Variants in ST6GALNAC2 observed in about 807,000 individuals in gnomAD.
ST6GALNAC2 encodes the protein ST6 N-acetylgalactosaminide alpha-2,6-sialyltransferase 2.
In ST6GALNAC2, 42 loss-of-function variants were observed where a neutral mutation model predicts 38.7. That is an observed-to-expected ratio of 1.09 (90% CI 0.85 to 1.40). The LOEUF is 1.40. ST6GALNAC2 is among the 40% of genes most tolerant of loss of function. ST6GALNAC2 has a pLI of 0.00. For synonymous variants in ST6GALNAC2, 233 were observed against 209.0 expected, an observed-to-expected ratio of 1.11 and a Z score of -0.99; for missense variants, 506 against 481.7, an observed-to-expected ratio of 1.05 and a Z score of -0.47.
Position 76,573,037 on chromosome 17 carries a change from G to A in ST6GALNAC2, c.530+158C>T, listed in dbSNP as rs532125611. 4.0e-4 allele frequency among the ~76,000 whole-genome samples: 61 copies of A among 152,236 alleles called. No homozygotes were observed. The highest frequency in any genetic ancestry group is 1.4e-3 in the African/African-American group (59 of 41,538). ...TGGGCACCCATGCTCCGTCCTCAGG[G>A]CCTACTGTTTGTTTTTGCCTTGTCC... On this transcript the variant is annotated intron_variant, in intron 4 of 8. Coordinates refer to ENST00000225276, the MANE Select transcript of ST6GALNAC2 (RefSeq NM_006456.3). The surrounding 1 kb of genome is among the most constrained non-coding windows in gnomAD (Gnocchi z 5.1).
chr17:76,567,734 AG>A (rs572701845), intron 7 of ST6GALNAC2, 182 bp from the exon 8 acceptor site: 182 of 448,620 alleles, frequency 4.1e-4, no homozygotes, highest in African/African-American at 2.3e-3. Flanking sequence ...AGGTTGGGGG[AG>A]GGGGTGGTGA....
At chr17:76,572,005 G>A (rs1311619890) in intron 5 of ST6GALNAC2, among the ~76,000 whole-genome samples, 2 of 152,106 alleles carry the variant, frequency 1.3e-5, no homozygotes, top group Non-Finnish European at 1.5e-5. Flanking sequence ...TCTTCCAGGG[G>A]CCAGTGTGGG....
chr17:76,567,636 A>G (rs972086544), intron 7 of ST6GALNAC2, 84 bp from the exon 8 acceptor site: 14 of 883,778 alleles, frequency 1.6e-5, no homozygotes, highest in Non-Finnish European at 2.4e-5. Flanking sequence ...TAGGTGGGAA[A>G]ACTTCAAAAA....
chr17:76,581,716 C>T (rs1384757985), intron 1 of ST6GALNAC2, among the ~76,000 whole-genome samples: 2 of 152,158 alleles, frequency 1.3e-5, no homozygotes, highest in East Asian at 3.8e-4. Context: ...AATCCAAGTG[C>T]CTGGGACACC....
At chr17:76,583,494 C>T (rs2075504509) in intron 1 of ST6GALNAC2, among the ~76,000 whole-genome samples, 1 of 151,660 alleles carries the variant, frequency 6.6e-6, no homozygotes, top group Non-Finnish European at 1.5e-5. Flanking sequence ...GCCTGGGTGA[C>T]AGAGTGAGAC....
intron 3 of ST6GALNAC2, 100 bp downstream of exon 3, chr17:76,574,265 C>CA (rs1257989749): frequency 4.4e-6 from 6 of 1,367,312 alleles, no homozygotes; most frequent in Non-Finnish European, 5.0e-6. Context: ...GGAGACCTGG[C>CA]ATCACCAGTG....
At chr17:76,567,365 T>G in intron 8 of ST6GALNAC2, 88 bp downstream of exon 8, 1 of 948,578 alleles carries the variant, frequency 1.1e-6, no homozygotes, top group Non-Finnish European at 1.7e-6. Flanking sequence ...GAGTCCCAGC[T>G]CCGAGGTAAG....
intron 2 of ST6GALNAC2, among the ~76,000 whole-genome samples, chr17:76,576,069 AC>A (rs1238298217): frequency 1.3e-5 from 2 of 151,804 alleles, no homozygotes; most frequent in Non-Finnish European, 2.9e-5. Flanking sequence ...ACATAACAAG[AC>A]CCCATGTCTG....
At position 76,574,570 on chromosome 17, in the gene ST6GALNAC2, G is replaced by A. The variant is rs140158788; in HGVS notation, c.187-31C>T. The A allele has an allele frequency of 2.9e-3, 1,463 of 500,966 alleles. 10 individuals carry two copies. Among genetic ancestry groups the A allele is most frequent in the African/African-American group, 0.023 (1,159 of 50,126 alleles). The allele number at this position is 500,966 out of a possible 1,614,324, so 31.0% of individuals were successfully genotyped here. On this transcript the variant is annotated intron_variant, in intron 2 of 8. Coordinates refer to ENST00000225276, the MANE Select transcript of ST6GALNAC2 (RefSeq NM_006456.3). ...GGTGAGAAGGTGAGGGCTGAGCCCC[G>A]TTAGGTAGGGGCTGGGGTGGGTGGG...
Position 76,576,446 on chromosome 17 carries a change from C to T in ST6GALNAC2, c.187-1907G>A, listed in dbSNP as rs75777659. On this transcript the variant is annotated intron_variant, in intron 2 of 8. Coordinates refer to ENST00000225276, the MANE Select transcript of ST6GALNAC2 (RefSeq NM_006456.3). The stretch of plus-strand genomic sequence containing the variant: ...TGGAAGTGGGTGTGGAAGTGGGTGT[C>T]GGAAGGGGGCAGTTTGTGTGATATT... Among the ~76,000 whole-genome samples the T allele has an allele frequency of 9.6e-3, 1,466 of 152,076 alleles. 25 individuals are homozygous for T. Among genetic ancestry groups the T allele is most frequent in the African/African-American group, 0.033 (1,368 of 41,466 alleles).
intron 1 of ST6GALNAC2, among the ~76,000 whole-genome samples, chr17:76,584,071 G>A (rs893160340): frequency 3.3e-5 from 5 of 151,330 alleles, no homozygotes; most frequent in African/African-American, 4.9e-5. Context: ...GCCTGCCTCG[G>A]CCTCCCAAAA....
intron 7 of ST6GALNAC2, chr17:76,567,753 A>G (rs2075303029): frequency 2.0e-6 from 1 of 508,000 alleles, no homozygotes; most frequent in African/African-American, 1.9e-5. Flanking sequence ...TGAGAAAGGA[A>G]CCACAGGTTC....
rs147268000 is a variant in ST6GALNAC2 at position 76,567,739 on chromosome 17, G to A, written c.858-187C>T. ...ACCTTAGGTAAGGTTGGGGGAGGGG[G>A]TGGTGAGAAAGGAACCACAGGTTCC... On this transcript the variant is annotated intron_variant, in intron 7 of 8. Coordinates refer to ENST00000225276, the MANE Select transcript of ST6GALNAC2 (RefSeq NM_006456.3). The A allele has an allele frequency of 5.8e-6, 3 of 521,144 alleles. No homozygotes were observed. In the East Asian group the frequency reaches 9.6e-5, roughly 17 times the overall value. The allele number at this position is 521,144 out of a possible 1,614,324, so 32.3% of individuals were successfully genotyped here.
chr17:76,582,679 G>A (rs1367179780), intron 1 of ST6GALNAC2, among the ~76,000 whole-genome samples: 1 of 152,184 alleles, frequency 6.6e-6, no homozygotes, highest in African/African-American at 2.4e-5. Flanking sequence ...CTGCACTAAA[G>A]AGCCCTCTCC....
intron 8 of ST6GALNAC2, among the ~76,000 whole-genome samples, chr17:76,566,805 G>T (rs944483511): frequency 1.3e-5 from 2 of 152,120 alleles, no homozygotes; most frequent in Middle Eastern, 3.4e-3. Context: ...CTGCACTTAA[G>T]CCTGGGTGAC....
intron 2 of ST6GALNAC2, among the ~76,000 whole-genome samples, chr17:76,576,470 T>C (rs1335538124): frequency 6.6e-6 from 1 of 152,098 alleles, no homozygotes; most frequent in Non-Finnish European, 1.5e-5. Context: ...TTGTGTGATA[T>C]TGTGAAATGG....
chr17:76,585,254 T>C (rs1201719371), intron 1 of ST6GALNAC2, among the ~76,000 whole-genome samples: 1 of 152,000 alleles, frequency 6.6e-6, no homozygotes, highest in African/African-American at 2.4e-5. Flanking sequence ...CCCCGCGAAG[T>C]TGGAAACCGG....
chr17:76,569,419 C>T, intron 6 of ST6GALNAC2: 1 of 348,128 alleles, frequency 2.9e-6, no homozygotes, highest in Non-Finnish European at 5.1e-6. Flanking sequence ...TTGGGCAGCC[C>T]CGCGGGGCAC....
chr17:76,572,760 C>T lies in ST6GALNAC2; in HGVS notation c.546G>A (p.Val182=), dbSNP rs768978939. The change falls in exon 5 of 9, where the codon GTG becomes GTA. Residue 182 remains valine (V), a synonymous_variant. Transcript: ENST00000225276. The part of the protein sequence containing the change: ...HDYVFRLNGA[V]IKGFERDVGT... ...CCACATCGCGCTCGAAGCCTTTGAT[C>T]ACAGCTCCATTGAGTCTGGTTGGCA... is the stretch of plus-strand genomic sequence containing the variant. The T allele has an allele frequency of 1.2e-6, 2 of 1,614,172 alleles. No individual in the cohort carries two copies. The highest frequency in any genetic ancestry group is 2.2e-5 in the South Asian group (2 of 91,088).
Sources: allele counts gnomAD v4.1 joint callset (sites outside exome capture counted in the v4.1 genomes callset), GRCh38; gene constraint gnomAD v4.1.1; non-coding constraint Gnocchi (gnomAD v3.1); transcripts MANE v1.5; gene names NCBI Gene and HGNC (gene_info 2026-07-23, HGNC 2026-07-21).